AGTR1: variants seen among roughly 807,000 people sequenced by gnomAD.
AGTR1 encodes the protein type-1 angiotensin II receptor.
A neutral mutation model predicts 19.4 loss-of-function variants in AGTR1; 16 were observed. The observed-to-expected ratio is 0.82, with a 90% CI of 0.56 to 1.25. The LOEUF (loss-of-function observed/expected upper bound fraction) is 1.25. Ranked by LOEUF, AGTR1 falls within the 50% of genes most tolerant of loss-of-function variation. The pLI is 0.00. For synonymous variants in AGTR1, 153 were observed against 154.9 expected (o/e 0.99, Z 0.09); for missense variants, 373 against 431.9 (o/e 0.86, Z 1.21).
chr3:148,705,487 G>A (rs1338820554), intron 1 of AGTR1, among the ~76,000 whole-genome samples: 1 of 151,852 alleles, frequency 6.6e-6, no homozygotes, highest in Non-Finnish European at 1.5e-5. Context: ...TTATCATGAT[G>A]TCTCCCAGCC....
At chr3:148,714,037 A>G (rs1363900039) in intron 2 of AGTR1, among the ~76,000 whole-genome samples, 1 of 152,166 alleles carries the variant, frequency 6.6e-6, no homozygotes, top group Non-Finnish European at 1.5e-5. Context: ...TATCAAAGAA[A>G]TGTCATGATG....
At chr3:148,734,356 A>G (rs1714450721) in intron 2 of AGTR1, among the ~76,000 whole-genome samples, 1 of 152,232 alleles carries the variant, frequency 6.6e-6, no homozygotes, top group African/African-American at 2.4e-5. Context: ...CTAGTTGGAA[A>G]TGATGGAACA....
intron 2 of AGTR1, among the ~76,000 whole-genome samples, chr3:148,732,516 A>G (rs1714324692): frequency 6.6e-6 from 1 of 152,172 alleles, no homozygotes; most frequent in Non-Finnish European, 1.5e-5. Context: ...TTTCAATACA[A>G]AGAGTTCTTG....
intron 2 of AGTR1, among the ~76,000 whole-genome samples, chr3:148,708,628 AG>A (rs1234768606): frequency 1.3e-5 from 2 of 152,204 alleles, no homozygotes; most frequent in Non-Finnish European, 2.9e-5. Flanking sequence ...GTCACATGGC[AG>A]GGCATTAAAC....
intron 1 of AGTR1, among the ~76,000 whole-genome samples, chr3:148,706,512 A>C (rs1259594628): frequency 6.6e-6 from 1 of 152,022 alleles, no homozygotes; most frequent in Non-Finnish European, 1.5e-5. Flanking sequence ...GATGAATTTG[A>C]CTACATAAAA....
intron 2 of AGTR1, among the ~76,000 whole-genome samples, chr3:148,733,260 A>T (rs1003012435): frequency 2.0e-5 from 3 of 152,212 alleles, no homozygotes; most frequent in African/African-American, 7.2e-5. Flanking sequence ...AGTATATCGA[A>T]TATTCTAGCT....
intron 1 of AGTR1, among the ~76,000 whole-genome samples, chr3:148,701,483 A>G (rs1311211211): frequency 6.6e-6 from 1 of 152,198 alleles, no homozygotes; most frequent in Non-Finnish European, 1.5e-5. Flanking sequence ...TAAATGCTGT[A>G]TGATTACATT....
intron 1 of AGTR1, among the ~76,000 whole-genome samples, chr3:148,702,549 C>A (rs908201904): frequency 6.6e-6 from 1 of 152,164 alleles, no homozygotes; most frequent in African/African-American, 2.4e-5. Context: ...TGGCATGGGT[C>A]TCTAATAGCC....
chr3:148,702,947 C>G (rs1309082440), intron 1 of AGTR1, among the ~76,000 whole-genome samples: 1 of 152,106 alleles, frequency 6.6e-6, no homozygotes, highest in African/African-American at 2.4e-5. Context: ...AAATTTGATG[C>G]TTTTGTCTTG....
intron 2 of AGTR1, among the ~76,000 whole-genome samples, chr3:148,713,312 AG>A (rs982851669): frequency 4.5e-5 from 6 of 134,776 alleles, no homozygotes; most frequent in South Asian, 2.3e-4. Context: ...TATTGGTTGG[AG>A]GGGGGGAATA....
chr3:148,719,177 T>C (rs1360733780), intron 2 of AGTR1, among the ~76,000 whole-genome samples: 1 of 152,192 alleles, frequency 6.6e-6, no homozygotes, highest in East Asian at 1.9e-4. Context: ...AGACCTCTAG[T>C]GGTTGAACAG....
At chr3:148,717,418 C>A (rs953384337) in intron 2 of AGTR1, among the ~76,000 whole-genome samples, 2 of 152,120 alleles carry the variant, frequency 1.3e-5, no homozygotes, top group African/African-American at 2.4e-5. Context: ...GGAGTAATTC[C>A]GACACCTAGG....
At chr3:148,739,887 T>C in intron 2 of AGTR1, 1 of 1,231,978 alleles carries the variant, frequency 8.1e-7, no homozygotes, top group Non-Finnish European at 1.0e-6. Context: ...CCAGCACCAC[T>C]GCCCACCTAG....
chr3:148,706,213 A>ATT (rs34399754), intron 1 of AGTR1, among the ~76,000 whole-genome samples: 8 of 150,884 alleles, frequency 5.3e-5, no homozygotes, highest in African/African-American at 1.9e-4. Context: ...CCTTTCTGTC[A>ATT]TTTTTTTTTC....
At chr3:148,733,139 G>A (rs1175200086) in intron 2 of AGTR1, among the ~76,000 whole-genome samples, 1 of 152,150 alleles carries the variant, frequency 6.6e-6, no homozygotes, top group Non-Finnish European at 1.5e-5. Flanking sequence ...GAGTGGGAAA[G>A]CTAAAATTAG....
chr3:148,704,917 A>G (rs555874755), intron 1 of AGTR1, among the ~76,000 whole-genome samples: 4 of 152,360 alleles, frequency 2.6e-5, no homozygotes, highest in South Asian at 4.1e-4. Flanking sequence ...GTAGATATTC[A>G]GGTAGCACTG....
At chr3:148,708,528 C>G (rs1413253778) in intron 2 of AGTR1, among the ~76,000 whole-genome samples, 1 of 152,152 alleles carries the variant, frequency 6.6e-6, no homozygotes, top group Non-Finnish European at 1.5e-5. Context: ...TTCTCACAAA[C>G]TTCCACCTTC....
chr3:148,709,975 G>A (rs2107933403), intron 2 of AGTR1, among the ~76,000 whole-genome samples: 1 of 152,162 alleles, frequency 6.6e-6, no homozygotes, highest in Middle Eastern at 3.4e-3. Context: ...TACTATATGT[G>A]GCTATTTACA....
At position 148,697,999 on chromosome 3, in the gene AGTR1, T is replaced by C. The variant is rs1284628198; in HGVS notation, c.-260T>C. On this transcript the variant is annotated 5_prime_UTR_variant, in exon 1 of 3. Transcript: ENST00000349243. The stretch of plus-strand genomic sequence containing the variant: ...CAGCTCTGCCGGGCCGCGGCGGTGA[T>C]CGATGGGGAGCGGCTGGAGCGGACC... 1 of 152,182 alleles carries C rather than the reference T, an allele frequency of 6.6e-6. No homozygotes were observed. The highest frequency in any genetic ancestry group is 1.5e-5 in the Non-Finnish European group (1 of 68,072). 9.4% of individuals were successfully genotyped at this position (152,182 alleles called of 1,614,324 possible). A position where few individuals can be genotyped will look rare whatever the true frequency, so the allele number is the denominator to read the frequency against.
Sources: gnomAD v4.1 joint callset for allele counts (sites outside exome capture counted in the v4.1 genomes callset) on GRCh38, gnomAD v4.1.1 for gene constraint, MANE v1.5 for transcripts, NCBI Gene and HGNC (gene_info 2026-07-23, HGNC 2026-07-21) for gene names.